Variants in CABCOCO1 observed in about 807,000 individuals in gnomAD.
The protein encoded by CABCOCO1 is ciliary-associated calcium-binding coiled-coil protein 1.
Under a neutral mutation model 35.7 loss-of-function variants are expected in CABCOCO1, and 28 were observed. The ratio of observed to expected loss-of-function variants is 0.78; its 90% CI spans 0.58 to 1.07. The LOEUF (loss-of-function observed/expected upper bound fraction) is 1.07. Among genes scored for constraint, CABCOCO1 ranks in the 50% least tolerant of loss-of-function variants. CABCOCO1 has a pLI of 0.00. For synonymous variants in CABCOCO1, 95 were observed against 100.1 expected, an observed-to-expected ratio of 0.95 and a Z score of 0.30; for missense variants, 326 against 309.2, an observed-to-expected ratio of 1.05 and a Z score of -0.41.
intron 5 of CABCOCO1, among the ~76,000 whole-genome samples, chr10:61,715,475 G>C (rs577714789): frequency 3.9e-5 from 6 of 152,280 alleles, no homozygotes; most frequent in Non-Finnish European, 8.8e-5. Context: ...CAATCTGCCA[G>C]TCTGTGTCCT....
chr10:61,700,058 A>G (rs2132012395), intron 5 of CABCOCO1, among the ~76,000 whole-genome samples: 1 of 152,276 alleles, frequency 6.6e-6, no homozygotes, highest in South Asian at 2.1e-4. Flanking sequence ...CATTAAGCCC[A>G]TGACCAGGAA....
At chr10:61,742,201 G>A (rs186536832) in intron 5 of CABCOCO1, among the ~76,000 whole-genome samples, 3 of 152,298 alleles carry the variant, frequency 2.0e-5, no homozygotes, top group Admixed American at 1.3e-4. Flanking sequence ...CAAGACTCGG[G>A]GGGAGACAGG....
In CABCOCO1 at chr10:61,763,990, T is replaced by A. The variant is rs1003983808; in HGVS notation, c.817-1949T>A. ...AAGGTCTGGAGATCTGAGACATTAC[T>A]CACCTCTGTCAGTATGCCACTCTCT... On this transcript the variant is annotated intron_variant, in intron 7 of 7. Transcript: ENST00000648843. Among the ~76,000 whole-genome samples the A allele has an allele frequency of 5.9e-5, 9 of 152,124 alleles. No individual in the cohort carries two copies. The East Asian group carries it at 1.7e-3, about 29-fold the overall frequency.
At chr10:61,668,222 T>C (rs1839249455) in intron 1 of CABCOCO1, among the ~76,000 whole-genome samples, 4 of 151,914 alleles carry the variant, frequency 2.6e-5, no homozygotes, top group Admixed American at 1.3e-4. Flanking sequence ...CTTGTAATTG[T>C]TTTAGTACAT....
intron 5 of CABCOCO1, among the ~76,000 whole-genome samples, chr10:61,720,843 T>C (rs1049062105): frequency 1.3e-5 from 2 of 151,256 alleles, no homozygotes; most frequent in African/African-American, 2.4e-5. Flanking sequence ...CAAACAGTAG[T>C]AGGAAAGTAT....
chr10:61,681,556 G>A (rs1016788882), intron 3 of CABCOCO1, among the ~76,000 whole-genome samples: 8 of 152,062 alleles, frequency 5.3e-5, no homozygotes, highest in Non-Finnish European at 8.8e-5. Flanking sequence ...TTTTAAAGTT[G>A]TATCAGTGGC....
chr10:61,719,934 A>T (rs1840960877), intron 5 of CABCOCO1, among the ~76,000 whole-genome samples: 1 of 151,512 alleles, frequency 6.6e-6, no homozygotes, highest in Non-Finnish European at 1.5e-5. Context: ...AAAAAAAAAA[A>T]AAAAAGGCAA....
At chr10:61,737,620 AG>A (rs1841451127) in intron 5 of CABCOCO1, among the ~76,000 whole-genome samples, 1 of 152,364 alleles carries the variant, frequency 6.6e-6, no homozygotes, top group East Asian at 1.9e-4. Context: ...AATATTATGC[AG>A]CCATAAAAAA....
Position 61,760,869 on chromosome 10 carries a change from G to T in CABCOCO1, c.682G>T (p.Asp228Tyr). The T allele has an allele frequency of 6.2e-7, 1 of 1,611,400 alleles. No individual in the cohort carries two copies. Among genetic ancestry groups the T allele is most frequent in the Non-Finnish European group, 8.5e-7 (1 of 1,178,660 alleles). Residue 228 changes from aspartate (D) to tyrosine (Y), a missense_variant, in exon 7 of 8, where the codon GAT (aspartate) becomes TAT (tyrosine). Physicochemically the swap from Asp to Tyr is radical, Grantham distance 160. Transcript: ENST00000648843. ...TILDTEMKRL[D>Y]QEQGPEESQP... ...TTTACTTTCAATATTCTAGAGGTTGGATCAAGAACAAGGCCCTGAGGAGTC... is the reference window on the plus strand; with the variant it reads ...TTTACTTTCAATATTCTAGAGGTTGTATCAAGAACAAGGCCCTGAGGAGTC...
At chr10:61,674,695 CTTAAAA>C (rs1839457396) in intron 2 of CABCOCO1, among the ~76,000 whole-genome samples, 1 of 152,130 alleles carries the variant, frequency 6.6e-6, no homozygotes, top group Non-Finnish European at 1.5e-5. Context: ...TTCCCTACCT[CTTAAAA>C]TTAAAAATTT....
chr10:61,718,496 G>A (rs779320712), intron 5 of CABCOCO1, among the ~76,000 whole-genome samples: 4 of 152,136 alleles, frequency 2.6e-5, no homozygotes, highest in Non-Finnish European at 5.9e-5. Context: ...TTTTGCATAT[G>A]CATAATTTTC....
chr10:61,719,782 G>A (rs1050324481), intron 5 of CABCOCO1, among the ~76,000 whole-genome samples: 7 of 151,932 alleles, frequency 4.6e-5, no homozygotes, highest in Admixed American at 6.6e-5. Flanking sequence ...TTAGCTGGGT[G>A]TGGTGACAGG....
intron 5 of CABCOCO1, among the ~76,000 whole-genome samples, chr10:61,707,281 G>A (rs894091211): frequency 1.3e-5 from 2 of 152,110 alleles, no homozygotes; most frequent in Non-Finnish European, 2.9e-5. Flanking sequence ...CTCAGGATAC[G>A]GGACTTGAGA....
intron 3 of CABCOCO1, 68 bp downstream of exon 3, chr10:61,681,380 A>G: frequency 1.7e-6 from 2 of 1,199,326 alleles, no homozygotes; most frequent in East Asian, 5.0e-5. Context: ...GTTCTTAAGC[A>G]AAAGTTACAG....
chr10:61,712,140 C>T (rs1486672928), intron 5 of CABCOCO1, among the ~76,000 whole-genome samples: 2 of 33,034 alleles, frequency 6.1e-5, no homozygotes, highest in East Asian at 9.0e-4. Flanking sequence ...CCTCCACAGC[C>T]CTATTTCTCC....
At chr10:61,700,368 T>C (rs991150892) in intron 5 of CABCOCO1, among the ~76,000 whole-genome samples, 2 of 152,002 alleles carry the variant, frequency 1.3e-5, no homozygotes, top group African/African-American at 4.8e-5. Context: ...ACCACACTAA[T>C]GGGAAAATTA....
intron 4 of CABCOCO1, among the ~76,000 whole-genome samples, chr10:61,690,329 G>A (rs1840097618): frequency 6.6e-6 from 1 of 151,966 alleles, no homozygotes; most frequent in African/African-American, 2.4e-5. Flanking sequence ...TATTATTCTA[G>A]GTACTATGTT....
At chr10:61,713,460 G>A (rs987335899) in intron 5 of CABCOCO1, among the ~76,000 whole-genome samples, 1 of 152,112 alleles carries the variant, frequency 6.6e-6, no homozygotes, top group Non-Finnish European at 1.5e-5. Flanking sequence ...CTGCAAACAG[G>A]GACAATTTGA....
intron 5 of CABCOCO1, among the ~76,000 whole-genome samples, chr10:61,730,223 A>G (rs1433849404): frequency 6.6e-6 from 1 of 152,072 alleles, no homozygotes; most frequent in East Asian, 1.9e-4. Flanking sequence ...GGTTTGGGAA[A>G]GGAAAAAATT....
Sources: gnomAD v4.1 joint callset for allele counts (sites outside exome capture counted in the v4.1 genomes callset) on GRCh38, gnomAD v4.1.1 for gene constraint, MANE v1.5 for transcripts, NCBI Gene and HGNC (gene_info 2026-07-23, HGNC 2026-07-21) for gene names.